CMIP: variants seen among roughly 807,000 people sequenced by gnomAD.
CMIP encodes c-Maf inducing protein.
CMIP carries 13 observed loss-of-function variants against 97.3 expected under a neutral mutation model. The observed-to-expected ratio is 0.13, with a 90% CI of 0.09 to 0.21. The LOEUF is 0.21. CMIP is among the 10% of genes least tolerant of loss of function. The probability of loss-of-function intolerance (pLI) is 1.00; values close to 1 mark genes in which losing one functional copy is unlikely to be tolerated. For synonymous variants in CMIP, 538 were observed against 436.3 expected (o/e 1.23, Z -2.91); for missense variants, 847 against 1,024.9 (o/e 0.83, Z 2.37).
intron 9 of CMIP, among the ~76,000 whole-genome samples, chr16:81,673,069 G>C (rs369911010): frequency 6.6e-6 from 1 of 152,160 alleles, no homozygotes; most frequent in Non-Finnish European, 1.5e-5. Flanking sequence ...GCAAGTGACC[G>C]GAAGAGGTGG....
rs112511178 is a variant in CMIP, at chr16:81,495,576, A to G, written c.300+50035A>G. On this transcript the variant is annotated intron_variant, in intron 1 of 20. Coordinates refer to ENST00000537098, the MANE Select transcript of CMIP (RefSeq NM_198390.3). Reference sequence around the variant, plus strand: ...CGCCTGCTGCTGCTGGCCACAGGCCAGTGAAATTCACAGACCCACTTCTCA... The same window carrying G: ...CGCCTGCTGCTGCTGGCCACAGGCCGGTGAAATTCACAGACCCACTTCTCA... 9.1e-3 allele frequency: 13,334 copies of G among 1,469,886 alleles called. 1,007 individuals are homozygous for G. The African/African-American group carries it at 0.16, about 18-fold the overall frequency. 91.1% of individuals were successfully genotyped at this position (1,469,886 alleles called of 1,614,324 possible).
At position 81,664,382 on chromosome 16, in the gene CMIP, G is replaced by C. The variant is rs751661439; in HGVS notation, c.825+33G>C. The C allele has an allele frequency of 6.4e-6, 10 of 1,565,584 alleles. No individual in the cohort carries two copies. The African/African-American group carries it at 6.8e-5, about 11-fold the overall frequency. On this transcript the variant is annotated intron_variant, in intron 7 of 20. Coordinates refer to ENST00000537098, the MANE Select transcript of CMIP (RefSeq NM_198390.3). ...ACCCTGCCCCAACACCCAGACCCCA[G>C]CGCCCAGAACATGAGGCCCCGCGCG...
intron 1 of CMIP, among the ~76,000 whole-genome samples, chr16:81,602,245 G>A (rs1257392040): frequency 2.0e-5 from 3 of 151,186 alleles, no homozygotes; most frequent in Non-Finnish European, 4.4e-5. Flanking sequence ...GTGCGATAAT[G>A]TGGGGAAAAA....
chr16:81,448,591 C>T (rs1001349264), intron 1 of CMIP, among the ~76,000 whole-genome samples: 3 of 152,226 alleles, frequency 2.0e-5, no homozygotes, highest in South Asian at 2.1e-4. Flanking sequence ...GGGATCAGGT[C>T]GCAGCTTGCC....
intron 3 of CMIP, among the ~76,000 whole-genome samples, chr16:81,646,099 G>A (rs535359090): frequency 2.0e-5 from 3 of 152,110 alleles, no homozygotes; most frequent in African/African-American, 7.2e-5. Context: ...GGTGATGAAT[G>A]GATGATGAGG....
chr16:81,576,743 G>T (rs2091195948), intron 1 of CMIP, among the ~76,000 whole-genome samples: 1 of 152,128 alleles, frequency 6.6e-6, no homozygotes, highest in Non-Finnish European at 1.5e-5. Context: ...CTAGAGTTAG[G>T]CAGATCCAGG....
At chr16:81,561,638 A>G (rs2090885796) in intron 1 of CMIP, among the ~76,000 whole-genome samples, 1 of 152,108 alleles carries the variant, frequency 6.6e-6, no homozygotes, top group South Asian at 2.1e-4. Context: ...TTTTCTGCGG[A>G]GTGGAGAGCT....
intron 1 of CMIP, among the ~76,000 whole-genome samples, chr16:81,592,841 A>C (rs1045864157): frequency 6.6e-6 from 1 of 152,232 alleles, no homozygotes; most frequent in Admixed American, 6.5e-5. Flanking sequence ...GGCATGTGGC[A>C]TGTGCCCAGT....
At chr16:81,461,672 T>C (rs890905907) in intron 1 of CMIP, among the ~76,000 whole-genome samples, 2 of 152,176 alleles carry the variant, frequency 1.3e-5, no homozygotes, top group African/African-American at 4.8e-5. Flanking sequence ...TGTTCGCTCT[T>C]AAGAGATGAT....
chr16:81,595,111 C>A (rs72829084), intron 1 of CMIP, among the ~76,000 whole-genome samples: 3 of 151,586 alleles, frequency 2.0e-5, no homozygotes, highest in African/African-American at 7.3e-5. Flanking sequence ...GTAACTGAAA[C>A]CTCTGAAAGT....
chr16:81,680,058 A>G (rs932791910), intron 10 of CMIP, among the ~76,000 whole-genome samples: 5 of 152,108 alleles, frequency 3.3e-5, no homozygotes, highest in Non-Finnish European at 4.4e-5. Context: ...TGGTTGCTGG[A>G]CCTTTCGGAG....
chr16:81,698,501 G>C (rs370392884), intron 14 of CMIP, among the ~76,000 whole-genome samples: 2 of 152,232 alleles, frequency 1.3e-5, no homozygotes, highest in Non-Finnish European at 2.9e-5. Flanking sequence ...CATGTGCGAA[G>C]GCTGCCTAGA....
At chr16:81,569,842 G>A (rs368078642) in intron 1 of CMIP, among the ~76,000 whole-genome samples, 4 of 152,222 alleles carry the variant, frequency 2.6e-5, no homozygotes, top group African/African-American at 9.6e-5. Context: ...AGCAGTATTT[G>A]CTGCATAGGG....
In CMIP at chr16:81,602,236, T is replaced by C. The variant is rs138275940; in HGVS notation, c.301-5331T>C. On this transcript the variant is annotated intron_variant, in intron 1 of 20. Transcript: ENST00000537098. Reference sequence around the variant, plus strand: ...GCCATTCAGAGCAGGGACATCTATGTGCGATAATGTGGGGAAAAAAAAGGC... The same window carrying C: ...GCCATTCAGAGCAGGGACATCTATGCGCGATAATGTGGGGAAAAAAAAGGC... 6.6e-5 allele frequency among the ~76,000 whole-genome samples: 10 copies of C among 151,836 alleles called. No homozygotes were observed. The East Asian group carries it at 1.9e-3, about 29-fold the overall frequency.
chr16:81,601,403 A>G (rs74031217), intron 1 of CMIP, among the ~76,000 whole-genome samples: 2,281 of 151,506 alleles, frequency 0.015, 56 homozygotes, highest in African/African-American at 0.053. Flanking sequence ...CGGGGGCCCA[A>G]TGGGGGCTCT....
intron 1 of CMIP, among the ~76,000 whole-genome samples, chr16:81,590,723 A>G (rs1047460924): frequency 6.6e-6 from 1 of 152,234 alleles, no homozygotes; most frequent in South Asian, 2.1e-4. Flanking sequence ...GGCGTAAACA[A>G]CAAATAACAA....
intron 1 of CMIP, among the ~76,000 whole-genome samples, chr16:81,501,085 G>A (rs1321454591): frequency 6.6e-6 from 1 of 152,346 alleles, no homozygotes; most frequent in African/African-American, 2.4e-5. Context: ...CTCAAGTGCC[G>A]GAGCTTTCTA....
intron 1 of CMIP, among the ~76,000 whole-genome samples, chr16:81,505,743 C>T (rs2089697377): frequency 6.6e-6 from 1 of 152,232 alleles, no homozygotes; most frequent in African/African-American, 2.4e-5. Flanking sequence ...GTAATCCCAG[C>T]ACTTTGGGAG....
chr16:81,448,071 A>G (rs1485700677), intron 1 of CMIP, among the ~76,000 whole-genome samples: 2 of 152,262 alleles, frequency 1.3e-5, no homozygotes, highest in African/African-American at 4.8e-5. Context: ...GCAGTTCCCT[A>G]GAACAAAAAC....
Sources: gnomAD v4.1 joint callset for allele counts (sites outside exome capture counted in the v4.1 genomes callset) on GRCh38, gnomAD v4.1.1 for gene constraint, MANE v1.5 for transcripts, NCBI Gene and HGNC (gene_info 2026-07-23, HGNC 2026-07-21) for gene names.